UGGT1: variants seen among roughly 807,000 people sequenced by gnomAD.
UGGT1 encodes the protein UDP-glucose glycoprotein glucosyltransferase 1, also known as UDP-glucose:glycoprotein glucosyltransferase 1.
Under a neutral mutation model 203.9 loss-of-function variants are expected in UGGT1, and 107 were observed. That is an observed-to-expected ratio of 0.52 (90% CI 0.45 to 0.62). UGGT1 has a LOEUF of 0.62. UGGT1 is among the 20% of genes least tolerant of loss of function. The pLI, the probability that UGGT1 is intolerant of heterozygous loss-of-function variation, is 0.00. For missense variants in UGGT1, 1,673 were observed against 1,867.2 expected (o/e 0.90, Z 1.92); for synonymous variants, 628 against 653.5 (o/e 0.96, Z 0.59).
In UGGT1 at chr2:128,103,859, T is replaced by A. The variant is rs1687490669; in HGVS notation, c.195-73T>A. On this transcript the variant is annotated intron_variant, in intron 2 of 40. Coordinates refer to ENST00000259253, the MANE Select transcript of UGGT1 (RefSeq NM_020120.4). ...CATTTGGAAACTTCAAAACTTATTT[T>A]TACTCTCTTTAGTAATATAGTTTAT... 5 of 1,103,140 alleles carry A rather than the reference T, an allele frequency of 4.5e-6. No individual in the cohort carries two copies. In the South Asian group the frequency reaches 8.3e-5, roughly 18 times the overall value. 68.3% of individuals were successfully genotyped at this position (1,103,140 alleles called of 1,614,324 possible).
chr2:128,156,296 C>G (rs778820688), intron 20 of UGGT1, 96 bp from the exon 21 acceptor site: 1 of 906,826 alleles, frequency 1.1e-6, no homozygotes, highest in Admixed American at 1.9e-5. Flanking sequence ...AACCATAGAC[C>G]GTGTTAGCCA....
intron 37 of UGGT1, 149 bp downstream of exon 37, chr2:128,182,439 C>A (rs1381951608): frequency 1.9e-6 from 2 of 1,066,624 alleles, no homozygotes; most frequent in Admixed American, 3.2e-5. Flanking sequence ...GTGGCTCATG[C>A]CTTAATCCCA....
At chr2:128,139,238 A>G (rs1202134040) in intron 16 of UGGT1, among the ~76,000 whole-genome samples, 1 of 152,172 alleles carries the variant, frequency 6.6e-6, no homozygotes. Flanking sequence ...CACAACGGCT[A>G]CCTTAAAATT....
chr2:128,142,884 G>T (rs966816802), intron 16 of UGGT1, among the ~76,000 whole-genome samples: 4 of 151,322 alleles, frequency 2.6e-5, no homozygotes, highest in Non-Finnish European at 5.9e-5. Context: ...TGGAGGCTGA[G>T]ACAGGAGATT....
intron 5 of UGGT1, among the ~76,000 whole-genome samples, chr2:128,111,191 A>C (rs764378901): frequency 3.3e-4 from 50 of 152,270 alleles, no homozygotes; most frequent in Admixed American, 5.9e-4. Context: ...AGTTTCTCCA[A>C]AAAGTAGCTG....
chr2:128,120,963 G>A (rs558615605), intron 9 of UGGT1, among the ~76,000 whole-genome samples: 52 of 102,486 alleles, frequency 5.1e-4, no homozygotes, highest in African/African-American at 1.4e-3. Context: ...TTAGTGTAGC[G>A]TTAGTGTGTG....
chr2:128,189,459 T>G lies in UGGT1; in HGVS notation c.4643-258T>G, dbSNP rs559021707. Among the ~76,000 whole-genome samples the G allele has an allele frequency of 2.6e-5, 4 of 152,384 alleles. No homozygotes were observed. The South Asian group carries it at 8.3e-4, about 32-fold the overall frequency. ...CTAAAAAAATGCATGCAACGTTTAC[T>G]GAAAGTAAATATTGTATTTGTGAAA... On this transcript the variant is annotated intron_variant, in intron 40 of 40. Transcript: ENST00000259253.
At chr2:128,142,998 A>T in intron 16 of UGGT1, 96 bp from the exon 17 acceptor site, 1 of 1,264,318 alleles carries the variant, frequency 7.9e-7, no homozygotes, top group Non-Finnish European at 1.1e-6. Flanking sequence ...AAAGAAAAAT[A>T]AGTATATTTT....
chr2:128,137,525 A>G (rs1265795320), intron 15 of UGGT1, among the ~76,000 whole-genome samples: 3 of 152,046 alleles, frequency 2.0e-5, no homozygotes, highest in Admixed American at 6.5e-5. Flanking sequence ...TGTTAATAGT[A>G]TCTTTCACAG....
intron 28 of UGGT1, 52 bp downstream of exon 28, chr2:128,171,336 TTC>T (rs1314055697): frequency 2.0e-6 from 3 of 1,499,458 alleles, no homozygotes; most frequent in Non-Finnish European, 2.8e-6. Flanking sequence ...TGAATCCAAG[TTC>T]TGATATTGCA....
rs1440670393 is a variant in UGGT1, at chr2:128,192,249, CCCT to C, written c.*2517_*2519del. On this transcript the variant is annotated 3_prime_UTR_variant, in exon 41 of 41. Coordinates refer to ENST00000259253, the MANE Select transcript of UGGT1 (RefSeq NM_020120.4). ...AGCTTGCTTCCAGAATGGCCTAGGA[CCCT>C]CCTCCTCCTGCCAGTTTTTTTTTTT... 1 of 149,916 alleles carries C rather than the reference CCCT, an allele frequency of 6.7e-6. No individual in the cohort carries two copies. Among genetic ancestry groups the C allele is most frequent in the Non-Finnish European group, 1.5e-5 (1 of 67,710 alleles). The allele number at this position is 149,916 out of a possible 1,614,324, so 9.3% of individuals were successfully genotyped here. A position where few individuals can be genotyped will look rare whatever the true frequency, so the allele number is the denominator to read the frequency against.
chr2:128,157,712 G>C (rs779129135), intron 22 of UGGT1, among the ~76,000 whole-genome samples: 1 of 152,158 alleles, frequency 6.6e-6, no homozygotes, highest in South Asian at 2.1e-4. Context: ...CTGGACATGG[G>C]GGCAGTAGCA....
At position 128,132,314 on chromosome 2, in the gene UGGT1, G is replaced by A. The variant is rs575568001; in HGVS notation, c.1378-827G>A. On this transcript the variant is annotated intron_variant, in intron 13 of 40. Coordinates refer to ENST00000259253, the MANE Select transcript of UGGT1 (RefSeq NM_020120.4). ...TGTAATCCCAGCACTTTGGGAGGCC[G>A]AGGTGGGCGGATCACTTGAGGTCAG... 5.7e-4 allele frequency among the ~76,000 whole-genome samples: 86 copies of A among 151,852 alleles called. No individual in the cohort carries two copies. In the South Asian group the frequency reaches 0.017, roughly 30 times the overall value.
chr2:128,124,235 C>T (rs933877546), intron 11 of UGGT1, among the ~76,000 whole-genome samples: 7 of 152,144 alleles, frequency 4.6e-5, no homozygotes, highest in African/African-American at 1.7e-4. Flanking sequence ...CATGAGCCAC[C>T]GCGCCCAGCC....
At chr2:128,159,818 A>G (rs985932376) in intron 23 of UGGT1, 98 bp downstream of exon 23, 1 of 1,272,264 alleles carries the variant, frequency 7.9e-7, no homozygotes, top group Non-Finnish European at 1.1e-6. Flanking sequence ...ACGATTTGTC[A>G]TTTTAGTCCT....
chr2:128,115,483 TAAA>T (rs55952659), intron 7 of UGGT1, among the ~76,000 whole-genome samples: 1,984 of 121,730 alleles, frequency 0.016, 35 homozygotes, highest in African/African-American at 0.053. Context: ...TTTCATGTAC[TAAA>T]AAAAAAAAAA....
chr2:128,149,367 G>A (rs1038087247), intron 18 of UGGT1, among the ~76,000 whole-genome samples: 1 of 149,978 alleles, frequency 6.7e-6, no homozygotes, highest in African/African-American at 2.4e-5. Flanking sequence ...AAAATAGGCC[G>A]GGCGCGATGG....
Position 128,121,184 on chromosome 2 carries a change from T to C in UGGT1, c.974-15T>C. 1 of 1,612,858 alleles carries C rather than the reference T, an allele frequency of 6.2e-7. No individual in the cohort carries two copies. The highest frequency in any genetic ancestry group is 8.5e-7 in the Non-Finnish European group (1 of 1,179,042). On this transcript the variant is annotated splice_polypyrimidine_tract_variant and intron_variant, in intron 9 of 40. Coordinates refer to ENST00000259253, the MANE Select transcript of UGGT1 (RefSeq NM_020120.4). ...TAGATTAATCCACTTTTAATTATAT[T>C]TGACATTGTTGCAGATCTCAGTTTC... is the stretch of plus-strand genomic sequence containing the variant.
At chr2:128,160,695 A>G (rs1228624574) in intron 24 of UGGT1, 104 bp downstream of exon 24, 2 of 1,456,288 alleles carry the variant, frequency 1.4e-6, no homozygotes, top group African/African-American at 2.9e-5. Flanking sequence ...CTCTTTTTTC[A>G]AAGGTGATTG....
Sources: allele counts gnomAD v4.1 joint callset (sites outside exome capture counted in the v4.1 genomes callset), GRCh38; gene constraint gnomAD v4.1.1; transcripts MANE v1.5; gene names NCBI Gene and HGNC (gene_info 2026-07-23, HGNC 2026-07-21).